The following DISC1 variants were observed in gnomAD, a reference collection of about 807,000 sequenced individuals.
The protein encoded by DISC1 is disrupted in schizophrenia 1 protein.
In DISC1, 57 loss-of-function variants were observed where a neutral mutation model predicts 84.5. The ratio of observed to expected loss-of-function variants is 0.67; its 90% CI spans 0.55 to 0.84. DISC1 has a LOEUF of 0.84. DISC1 is among the 40% of genes least tolerant of loss of function. DISC1 has a pLI of 0.00. For synonymous variants in DISC1, 411 were observed against 415.2 expected (o/e 0.99, Z 0.12); for missense variants, 1,000 against 1,057.8 (o/e 0.95, Z 0.76).
chr1:231,815,096 T>C (rs1296812345), intron 8 of DISC1: 1 of 151,972 alleles, frequency 6.6e-6, no homozygotes, highest in African/African-American at 2.4e-5. Flanking sequence ...GGTTTTCTAA[T>C]TAACACTAAC....
chr1:231,937,880 A>G (rs1377084589), intron 9 of DISC1, among the ~76,000 whole-genome samples: 1 of 150,342 alleles, frequency 6.7e-6, no homozygotes, highest in African/African-American at 2.5e-5. Flanking sequence ...TGCAAATCCC[A>G]CTCAATTCTT....
At chr1:231,869,353 TAA>T (rs1333945479) in intron 9 of DISC1, among the ~76,000 whole-genome samples, 2 of 152,064 alleles carry the variant, frequency 1.3e-5, no homozygotes, top group Non-Finnish European at 2.9e-5. Context: ...AACAAAAATA[TAA>T]GTCAGGCCTG....
intron 4 of DISC1, among the ~76,000 whole-genome samples, chr1:231,766,300 AAAAAAAAC>A (rs1483292067): frequency 6.7e-6 from 1 of 150,218 alleles, no homozygotes; most frequent in Non-Finnish European, 1.5e-5. Flanking sequence ...AAAAAAAAAA[AAAAAAAAC>A]AAAATTAAGA....
chr1:232,008,738 A>G (rs1667767478), intron 10 of DISC1, 47 bp from the exon 11 acceptor site: 3 of 1,516,750 alleles, frequency 2.0e-6, no homozygotes, highest in Non-Finnish European at 2.6e-6. Flanking sequence ...GGTATGATGA[A>G]ACATCACTGA....
At chr1:231,850,787 T>A (rs12093976) in intron 9 of DISC1, among the ~76,000 whole-genome samples, 11,000 of 152,216 alleles carry the variant, frequency 0.072, 896 homozygotes, top group African/African-American at 0.2. Context: ...ACGTCTTTGG[T>A]TCATTTTTTA....
chr1:231,904,739 T>C (rs1286357688), intron 9 of DISC1, among the ~76,000 whole-genome samples: 1 of 152,004 alleles, frequency 6.6e-6, no homozygotes, highest in Non-Finnish European at 1.5e-5. Context: ...CAGAGTTCTT[T>C]GGAGCAATTG....
intron 1 of DISC1, among the ~76,000 whole-genome samples, chr1:231,637,635 G>A (rs1176023863): frequency 2.0e-5 from 3 of 151,454 alleles, no homozygotes; most frequent in Non-Finnish European, 4.4e-5. Flanking sequence ...TTAAGATAAC[G>A]GTTTCCAGTT....
chr1:231,885,199 A>G (rs971314272), intron 9 of DISC1, among the ~76,000 whole-genome samples: 2 of 152,202 alleles, frequency 1.3e-5, no homozygotes, highest in African/African-American at 4.8e-5. Context: ...AACATACGAA[A>G]AAATGACAGG....
At chr1:231,958,487 C>T (rs1244796803) in intron 9 of DISC1, among the ~76,000 whole-genome samples, 3 of 152,188 alleles carry the variant, frequency 2.0e-5, no homozygotes, top group East Asian at 1.9e-4. Flanking sequence ...ATTGGACAAC[C>T]GAGCCAATGG....
At chr1:232,034,380 A>G (rs1477830285) in intron 12 of DISC1, among the ~76,000 whole-genome samples, 2 of 152,236 alleles carry the variant, frequency 1.3e-5, no homozygotes, top group Non-Finnish European at 2.9e-5. Flanking sequence ...ATAATTAAGC[A>G]TTGATTGATT....
chr1:231,876,003 T>C (rs1275273144), intron 9 of DISC1, among the ~76,000 whole-genome samples: 1 of 152,166 alleles, frequency 6.6e-6, no homozygotes, highest in African/African-American at 2.4e-5. Context: ...AAATGACTGA[T>C]AAATGTGGGC....
At chr1:231,898,803 T>C (rs821724) in intron 9 of DISC1, among the ~76,000 whole-genome samples, 138,561 of 152,038 alleles carry the variant, frequency 0.91, 63,248 homozygotes, top group East Asian at 0.99. Flanking sequence ...CGTGGTGGCG[T>C]ATGGCTGTAA....
chr1:232,007,201 T>G lies in DISC1; in HGVS notation c.2043-1584T>G, dbSNP rs821609. Among the ~76,000 whole-genome samples, 3 of 151,982 alleles carry G rather than the reference T, an allele frequency of 2.0e-5. No homozygotes were observed. In the East Asian group the frequency reaches 5.8e-4, roughly 29 times the overall value. ...AAATGTGGGGTCAGAGCCCCCACACTGAGTCCCCACTGGGGCACTGCCTAG... is the reference window on the plus strand; with the variant it reads ...AAATGTGGGGTCAGAGCCCCCACACGGAGTCCCCACTGGGGCACTGCCTAG... On this transcript the variant is annotated intron_variant, in intron 10 of 12. Coordinates refer to ENST00000439617, the MANE Select transcript of DISC1 (RefSeq NM_018662.3).
At chr1:231,815,098 A>C (rs1368397617) in intron 8 of DISC1, 2 of 151,984 alleles carry the variant, frequency 1.3e-5, no homozygotes, top group Non-Finnish European at 2.9e-5. Context: ...TTTTCTAATT[A>C]ACACTAACTA....
intron 9 of DISC1, among the ~76,000 whole-genome samples, chr1:231,946,703 T>TA (rs570939127): frequency 1.3e-5 from 2 of 152,094 alleles, no homozygotes; most frequent in Non-Finnish European, 2.9e-5. Context: ...GATTGTATAT[T>TA]AAAAAAACTC....
At chr1:231,725,525 C>T (rs1325078416) in intron 3 of DISC1, among the ~76,000 whole-genome samples, 1 of 152,158 alleles carries the variant, frequency 6.6e-6, no homozygotes, top group Non-Finnish European at 1.5e-5. Context: ...CTTAATTTGC[C>T]TGTAATTGAA....
chr1:231,723,964 A>G (rs2070252673), intron 3 of DISC1: 1 of 985,356 alleles, frequency 1.0e-6, no homozygotes, highest in Non-Finnish European at 1.2e-6. Context: ...TGACTCCAGG[A>G]AGGAAACTCA....
intron 9 of DISC1, among the ~76,000 whole-genome samples, chr1:231,838,685 A>G (rs780404305): frequency 1.6e-4 from 25 of 152,230 alleles, no homozygotes; most frequent in Admixed American, 7.2e-4. Context: ...CTGAGAGTCT[A>G]TATCAAGAGT....
intron 3 of DISC1, among the ~76,000 whole-genome samples, chr1:231,713,739 A>C (rs1213498570): frequency 1.3e-5 from 1 of 75,758 alleles, no homozygotes. Context: ...ATATATACAT[A>C]TATATAGGAG....
Sources: allele counts gnomAD v4.1 joint callset (sites outside exome capture counted in the v4.1 genomes callset), GRCh38; gene constraint gnomAD v4.1.1; transcripts MANE v1.5; gene names NCBI Gene and HGNC (gene_info 2026-07-23, HGNC 2026-07-21).